Variants in METTL15 observed in about 807,000 individuals in gnomAD.
METTL15 encodes the protein methyltransferase 15, mitochondrial 12S rRNA N4-cytidine, also known as 12S rRNA N(4)-cytidine methyltransferase METTL15.
METTL15 carries 34 observed loss-of-function variants against 38.3 expected under a neutral mutation model. The ratio of observed to expected loss-of-function variants is 0.89; its 90% CI spans 0.68 to 1.18. The LOEUF (loss-of-function observed/expected upper bound fraction) is 1.18, where lower values mean the gene tolerates loss of function less well. METTL15 is among the 50% of genes most tolerant of loss of function. The pLI, the probability that METTL15 is intolerant of heterozygous loss-of-function variation, is 0.00. For synonymous variants in METTL15, 162 were observed against 170.9 expected, an observed-to-expected ratio of 0.95 and a Z score of 0.41; for missense variants, 438 against 498.4, an observed-to-expected ratio of 0.88 and a Z score of 1.15.
At chr11:28,205,159 G>C (rs920615501) in intron 3 of METTL15, among the ~76,000 whole-genome samples, 4 of 151,736 alleles carry the variant, frequency 2.6e-5, no homozygotes, top group African/African-American at 9.7e-5. Context: ...ACAATGTGCA[G>C]GTTAGTTACA....
At chr11:28,519,552 C>G (rs953115959) in intron 6 of METTL15, among the ~76,000 whole-genome samples, 5 of 114,440 alleles carry the variant, frequency 4.4e-5, no homozygotes, top group Non-Finnish European at 8.0e-5. Flanking sequence ...GAGGCTCCGT[C>G]TCAAAAAAAA....
intron 5 of METTL15, among the ~76,000 whole-genome samples, chr11:28,389,500 C>T (rs1178555644): frequency 1.7e-4 from 26 of 149,540 alleles, no homozygotes; most frequent in Admixed American, 1.1e-3. Flanking sequence ...TTTGTCCTTG[C>T]GATAGTTTAC....
At chr11:28,523,643 A>G (rs1038348411) in intron 6 of METTL15, among the ~76,000 whole-genome samples, 2 of 152,246 alleles carry the variant, frequency 1.3e-5, no homozygotes, top group African/African-American at 4.8e-5. Context: ...TAAACTTGAA[A>G]TGAGGTACTA....
chr11:28,384,411 C>T (rs570007515), intron 5 of METTL15, among the ~76,000 whole-genome samples: 3 of 151,926 alleles, frequency 2.0e-5, no homozygotes, highest in South Asian at 2.1e-4. Context: ...CAGGTTCAAG[C>T]GATTCTCATG....
chr11:28,234,094 A>G (rs552024377), intron 4 of METTL15, among the ~76,000 whole-genome samples: 2 of 151,940 alleles, frequency 1.3e-5, no homozygotes, highest in East Asian at 1.9e-4. Flanking sequence ...TGAGAATGAT[A>G]ATTTCCAATT....
intron 5 of METTL15, among the ~76,000 whole-genome samples, chr11:28,419,850 C>G (rs1372694256): frequency 1.3e-5 from 2 of 152,012 alleles, no homozygotes; most frequent in Non-Finnish European, 2.9e-5. Flanking sequence ...AGCAGAAATT[C>G]TCAAATTTAA....
intron 6 of METTL15, among the ~76,000 whole-genome samples, chr11:28,483,387 A>G (rs1447123079): frequency 6.6e-6 from 1 of 152,206 alleles, no homozygotes; most frequent in Non-Finnish European, 1.5e-5. Context: ...TGGCCTCGAC[A>G]TTAAGACCAA....
At chr11:28,369,042 A>T (rs962551546) in intron 5 of METTL15, among the ~76,000 whole-genome samples, 3 of 152,016 alleles carry the variant, frequency 2.0e-5, no homozygotes, top group Non-Finnish European at 4.4e-5. Context: ...TAGGAGAAAT[A>T]CCTAATGTAA....
chr11:28,213,331 GT>G (rs1852720667), intron 4 of METTL15, among the ~76,000 whole-genome samples: 1 of 152,068 alleles, frequency 6.6e-6, no homozygotes, highest in African/African-American at 2.4e-5. Flanking sequence ...CAAGAGATCA[GT>G]CTTTGAAAAT....
chr11:28,246,560 G>A (rs1235873155), intron 4 of METTL15, among the ~76,000 whole-genome samples: 1 of 152,126 alleles, frequency 6.6e-6, no homozygotes, highest in Non-Finnish European at 1.5e-5. Flanking sequence ...TTAGAAAAGT[G>A]CCTAGCAGGT....
At chr11:28,526,920 TTA>T (rs1298540395) in exon 8 of METTL15, 1 of 152,244 alleles carries the variant, frequency 6.6e-6, no homozygotes, top group African/African-American at 2.4e-5. Flanking sequence ...ACATTATTGT[TTA>T]AAGACAAGTA....
intron 6 of METTL15, among the ~76,000 whole-genome samples, chr11:28,518,870 G>A (rs956878050): frequency 2.6e-5 from 4 of 152,176 alleles, no homozygotes; most frequent in African/African-American, 9.7e-5. Context: ...TGAGGCTATG[G>A]GGTGTCCATG....
At chr11:28,449,200 C>T (rs1248019471) in intron 6 of METTL15, among the ~76,000 whole-genome samples, 2 of 152,098 alleles carry the variant, frequency 1.3e-5, no homozygotes, top group Non-Finnish European at 2.9e-5. Context: ...TTTGCATGCC[C>T]AGGAGGTGGA....
chr11:28,132,089 A>G (rs1849358020), intron 3 of METTL15, among the ~76,000 whole-genome samples: 1 of 152,220 alleles, frequency 6.6e-6, no homozygotes, highest in Non-Finnish European at 1.5e-5. Flanking sequence ...CTTGTGAAAT[A>G]TATTTCTAGT....
intron 4 of METTL15, among the ~76,000 whole-genome samples, chr11:28,268,910 A>G (rs1310134380): frequency 1.3e-5 from 2 of 152,194 alleles, no homozygotes; most frequent in Non-Finnish European, 2.9e-5. Flanking sequence ...CTGCTTTAGA[A>G]CAAGAGAGAG....
downstream of METTL15, among the ~76,000 whole-genome samples, chr11:28,335,617 G>C (rs1849894322): frequency 6.6e-6 from 1 of 152,136 alleles, no homozygotes. Context: ...GGTCATGGGA[G>C]AGAGTCCCTC....
intron 3 of METTL15, among the ~76,000 whole-genome samples, chr11:28,160,319 CCTGA>C (rs1189808692): frequency 1.3e-5 from 2 of 151,702 alleles, no homozygotes; most frequent in African/African-American, 4.8e-5. Context: ...TTTAGAGAAC[CCTGA>C]CTAATACAAG....
At chr11:28,369,409 A>G (rs1850221125) in intron 5 of METTL15, among the ~76,000 whole-genome samples, 1 of 152,080 alleles carries the variant, frequency 6.6e-6, no homozygotes, top group African/African-American at 2.4e-5. Context: ...AACTTCCCAA[A>G]TATTCAAATA....
At chr11:28,488,588 C>T (rs965231124) in intron 6 of METTL15, among the ~76,000 whole-genome samples, 2 of 152,190 alleles carry the variant, frequency 1.3e-5, no homozygotes, top group East Asian at 3.8e-4. Flanking sequence ...GTTGAATTCT[C>T]AGTTCTGAGA....
Sources: gnomAD v4.1 joint callset for allele counts (sites outside exome capture counted in the v4.1 genomes callset) on GRCh38, gnomAD v4.1.1 for gene constraint, MANE v1.5 for transcripts, NCBI Gene and HGNC (gene_info 2026-07-23, HGNC 2026-07-21) for gene names.